The following GFPT2 variants were observed in gnomAD, a reference collection of about 807,000 sequenced individuals.
GFPT2 encodes glutamine--fructose-6-phosphate aminotransferase [isomerizing] 2.
Under a neutral mutation model 85.6 loss-of-function variants are expected in GFPT2, and 62 were observed. The ratio of observed to expected loss-of-function variants is 0.72; its 90% CI spans 0.59 to 0.90. The LOEUF is 0.90. GFPT2 is among the 40% of genes least tolerant of loss of function. The pLI, the probability that GFPT2 is intolerant of heterozygous loss-of-function variation, is 0.00. For synonymous variants in GFPT2, 368 were observed against 344.5 expected (o/e 1.07, Z -0.75); for missense variants, 788 against 893.4 (o/e 0.88, Z 1.50).
At chr5:180,331,797 C>T in intron 4 of GFPT2, 1 of 519,626 alleles carries the variant, frequency 1.9e-6, no homozygotes, top group East Asian at 3.6e-5. Context: ...AATACACATC[C>T]CTCTTTCAGT....
chr5:180,338,718 G>A (rs1764451394), intron 1 of GFPT2, 118 bp from the exon 2 acceptor site: 4 of 629,338 alleles, frequency 6.4e-6, no homozygotes. Context: ...GCTTGCAGAG[G>A]TGGGTATGCC....
chr5:180,315,003 AGGT>A (rs1763972935), intron 13 of GFPT2, among the ~76,000 whole-genome samples: 2 of 152,256 alleles, frequency 1.3e-5, no homozygotes, highest in South Asian at 4.1e-4. Flanking sequence ...CTGCGTCATA[AGGT>A]GGTGGGCCGG....
intron 1 of GFPT2, among the ~76,000 whole-genome samples, chr5:180,345,736 T>C (rs1473553002): frequency 2.6e-5 from 4 of 152,064 alleles, no homozygotes; most frequent in African/African-American, 9.7e-5. Context: ...TAAATCCATG[T>C]TGAGTGAATG....
At chr5:180,332,266 G>A (rs907347911) in intron 4 of GFPT2, among the ~76,000 whole-genome samples, 1 of 124,302 alleles carries the variant, frequency 8.0e-6, no homozygotes, top group South Asian at 2.6e-4. Context: ...AGGGGGATGC[G>A]GGGGATGCGG....
At position 180,335,481 on chromosome 5, in the gene GFPT2, C is replaced by T. The variant is rs985406814; in HGVS notation, c.340+347G>A. Reference sequence around the variant, plus strand: ...AGGGTACACCCTTCTGCAGCATTTCCGTCACTTGGGGAGGAACAGTGCCCA... The same window carrying T: ...AGGGTACACCCTTCTGCAGCATTTCTGTCACTTGGGGAGGAACAGTGCCCA... On this transcript the variant is annotated intron_variant, in intron 4 of 18. Transcript: ENST00000253778. Among the ~76,000 whole-genome samples the T allele has an allele frequency of 4.0e-4, 61 of 152,226 alleles. 1 individual carries two copies. Among genetic ancestry groups the T allele is most frequent in the Admixed American group, 3.6e-3 (55 of 15,286 alleles).
intron 8 of GFPT2, 31 bp from the exon 9 acceptor site, chr5:180,324,336 C>T (rs774995970): frequency 1.7e-6 from 2 of 1,210,254 alleles, no homozygotes; most frequent in Non-Finnish European, 2.4e-6. Context: ...TTGCAAATCC[C>T]ACTGGGATGT....
intron 4 of GFPT2, 98 bp from the exon 5 acceptor site, chr5:180,331,651 C>G: frequency 1.3e-6 from 1 of 764,646 alleles, no homozygotes; most frequent in Admixed American, 2.0e-5. Context: ...CTGCAAACTC[C>G]AGGCCTCAAG....
rs1266166006 is a variant in GFPT2, at chr5:180,301,212, AGTC to A, written c.*349_*351del. The stretch of plus-strand genomic sequence containing the variant: ...TAGAAAAATAACTTAAAAGCTATAC[AGTC>A]GTCATTATAAATATCTTGTCTTTTA... On this transcript the variant is annotated 3_prime_UTR_variant, in exon 19 of 19. Coordinates refer to ENST00000253778, the MANE Select transcript of GFPT2 (RefSeq NM_005110.4). 6 of 326,968 alleles carry A rather than the reference AGTC, an allele frequency of 1.8e-5. No homozygotes were observed. Among genetic ancestry groups the A allele is most frequent in the South Asian group, 8.6e-5 (1 of 11,690 alleles). The allele number at this position is 326,968 out of a possible 1,614,324, so 20.3% of individuals were successfully genotyped here. A position where few individuals can be genotyped will look rare whatever the true frequency, so the allele number is the denominator to read the frequency against.
intron 2 of GFPT2, 141 bp downstream of exon 2, chr5:180,338,352 G>A: frequency 2.1e-6 from 1 of 487,394 alleles, no homozygotes; most frequent in Non-Finnish European, 3.7e-6. Flanking sequence ...TAACGGACAA[G>A]TGTTATTTTT....
intron 12 of GFPT2, 100 bp from the exon 13 acceptor site, chr5:180,316,561 C>T (rs1764013872): frequency 6.6e-6 from 9 of 1,355,248 alleles, no homozygotes; most frequent in Non-Finnish European, 3.1e-6. Flanking sequence ...CACGGAACCT[C>T]ACTGTCCAGG....
chr5:180,340,455 C>T (rs1764492264), intron 1 of GFPT2, among the ~76,000 whole-genome samples: 1 of 151,562 alleles, frequency 6.6e-6, no homozygotes, highest in Admixed American at 6.6e-5. Context: ...ATCCGCCCGC[C>T]TCGGCTTCCC....
At chr5:180,353,021 G>A (rs2127659980) in intron 1 of GFPT2, 190 bp downstream of exon 1, 2 of 409,748 alleles carry the variant, frequency 4.9e-6, no homozygotes, top group Admixed American at 4.6e-5. Context: ...CTCCGAGACG[G>A]CCACTCGGGG....
At chr5:180,314,795 G>A (rs1024274258) in intron 13 of GFPT2, among the ~76,000 whole-genome samples, 7 of 152,170 alleles carry the variant, frequency 4.6e-5, no homozygotes, top group African/African-American at 7.2e-5. Context: ...TCTGTCACCC[G>A]CGCCCTAGGG....
intron 13 of GFPT2, 43 bp from the exon 14 acceptor site, chr5:180,314,007 C>G: frequency 6.5e-7 from 1 of 1,539,360 alleles, no homozygotes; most frequent in Non-Finnish European, 8.7e-7. Flanking sequence ...CCGCCAGCCT[C>G]GGCCCCACCC....
intron 1 of GFPT2, among the ~76,000 whole-genome samples, chr5:180,339,378 CAAAAAAAA>C (rs34123923): frequency 1.5e-5 from 1 of 65,034 alleles, no homozygotes; most frequent in Non-Finnish European, 2.9e-5. Flanking sequence ...GACTCTGTCT[CAAAAAAAA>C]AAAAAAAAAA....
At position 180,328,708 on chromosome 5, in the gene GFPT2, G is replaced by A. The variant is rs528179563; in HGVS notation, c.535-370C>T. The stretch of plus-strand genomic sequence containing the variant: ...GACAGCACCTACTCAGCAAGCCCCT[G>A]TGAAGTGCACTTTAGCTCAACACAC... On this transcript the variant is annotated intron_variant, in intron 6 of 18. Coordinates refer to ENST00000253778, the MANE Select transcript of GFPT2 (RefSeq NM_005110.4). The surrounding 1 kb of genome is among the most constrained non-coding windows in gnomAD (Gnocchi z 5.4). Among the ~76,000 whole-genome samples, 9 of 152,322 alleles carry A rather than the reference G, an allele frequency of 5.9e-5. No individual in the cohort carries two copies. The highest frequency in any genetic ancestry group is 4.6e-4 in the Admixed American group (7 of 15,302).
chr5:180,353,186 C>T (rs768048697), intron 1 of GFPT2, 25 bp downstream of exon 1: 3 of 1,233,606 alleles, frequency 2.4e-6, no homozygotes, highest in Non-Finnish European at 1.0e-6. Flanking sequence ...GTGGAGGAGG[C>T]GGCTCGGGCG....
chr5:180,319,615 C>T (rs1764080944), intron 9 of GFPT2, among the ~76,000 whole-genome samples: 1 of 152,162 alleles, frequency 6.6e-6, no homozygotes, highest in Non-Finnish European at 1.5e-5. Context: ...AGGTAAAAAG[C>T]TGGACGAAGC....
Position 180,328,423 on chromosome 5 carries a change from C to T in GFPT2, c.535-85G>A. 1 of 1,082,740 alleles carries T rather than the reference C, an allele frequency of 9.2e-7. No individual in the cohort carries two copies. 67.1% of individuals were successfully genotyped at this position (1,082,740 alleles called of 1,614,324 possible). On this transcript the variant is annotated intron_variant, in intron 6 of 18. Coordinates refer to ENST00000253778, the MANE Select transcript of GFPT2 (RefSeq NM_005110.4). This position sits in a 1 kb window ranked among gnomAD's most constrained non-coding sequence, Gnocchi z 5.4. ...CACAGCCCAGGTGCGTCTCCCTGGGCCCCTCCTGATGGCGGGAGGTCCTGG... is the reference window on the plus strand; with the variant it reads ...CACAGCCCAGGTGCGTCTCCCTGGGTCCCTCCTGATGGCGGGAGGTCCTGG...
Sources: allele counts gnomAD v4.1 joint callset (sites outside exome capture counted in the v4.1 genomes callset), GRCh38; gene constraint gnomAD v4.1.1; non-coding constraint Gnocchi (gnomAD v3.1); transcripts MANE v1.5; gene names NCBI Gene and HGNC (gene_info 2026-07-23, HGNC 2026-07-21).